The following EHBP1 variants were observed in gnomAD, a reference collection of about 807,000 sequenced individuals.
The protein encoded by EHBP1 is EH domain-binding protein 1.
In EHBP1, 55 loss-of-function variants were observed where a neutral mutation model predicts 144.0. The ratio of observed to expected loss-of-function variants is 0.38; its 90% CI spans 0.31 to 0.48. The LOEUF is 0.48. EHBP1 is among the 20% of genes least tolerant of loss of function. The probability of loss-of-function intolerance (pLI) is 0.98; values close to 1 mark genes in which losing one functional copy is unlikely to be tolerated. For synonymous variants in EHBP1, 469 were observed against 472.7 expected, an observed-to-expected ratio of 0.99 and a Z score of 0.10; for missense variants, 1,200 against 1,364.2, an observed-to-expected ratio of 0.88 and a Z score of 1.90.
rs111444547 is a variant in EHBP1 at position 62,685,775 on chromosome 2, C to T, written c.-296+11692C>T. 2.7e-3 allele frequency among the ~76,000 whole-genome samples: 418 copies of T among 152,106 alleles called. 2 individuals carry two copies. The Middle Eastern group carries it at 0.034, about 12-fold the overall frequency. ...GCTAGAGCTAAATATATGCTTATTA[C>T]AGTGATTGGGGGTTGGGGAGGAGGG... On this transcript the variant is annotated intron_variant, in intron 1 of 22. Transcript: ENST00000405015.
chr2:63,030,927 C>G (rs1407167895), intron 19 of EHBP1, among the ~76,000 whole-genome samples: 4 of 150,860 alleles, frequency 2.7e-5, no homozygotes, highest in Admixed American at 6.6e-5. Flanking sequence ...TCCTGAGTAG[C>G]TGGGATCACA....
In EHBP1 at chr2:62,826,124, G is replaced by C; in HGVS notation, c.350G>C (p.Ser117Thr). The change falls in exon 6 of 23, where the codon AGC becomes ACC. Residue 117 changes from serine (S) to threonine (T), a missense_variant. Physicochemically the swap from Ser to Thr is moderately conservative, Grantham distance 58. Coordinates refer to ENST00000431489, the MANE Select transcript of EHBP1 (RefSeq NM_001142616.3). ...PSGRRKALAT[S>T]SINMKQYASP... Reference sequence around the variant, plus strand: ...GGTCGAAGGAAAGCTCTTGCTACTAGCAGCATCAATATGAAACAGTATGCA... The same window carrying C: ...GGTCGAAGGAAAGCTCTTGCTACTACCAGCATCAATATGAAACAGTATGCA... 2 of 1,537,524 alleles carry C rather than the reference G, an allele frequency of 1.3e-6. No individual in the cohort carries two copies. The highest frequency in any genetic ancestry group is 4.9e-5 in the East Asian group (2 of 40,624).
chr2:62,692,786 G>A (rs1244333235), intron 1 of EHBP1, among the ~76,000 whole-genome samples: 1 of 151,320 alleles, frequency 6.6e-6, no homozygotes, highest in Non-Finnish European at 1.5e-5. Flanking sequence ...TATTTATGGG[G>A]TACCTGAGAT....
chr2:62,975,119 C>T (rs1023268136), intron 14 of EHBP1, among the ~76,000 whole-genome samples: 1 of 152,158 alleles, frequency 6.6e-6, no homozygotes, highest in Admixed American at 6.5e-5. Context: ...GTCTTGGAAC[C>T]TATGCCAGAA....
intron 7 of EHBP1, among the ~76,000 whole-genome samples, chr2:62,850,594 A>G (rs1385713806): frequency 6.6e-6 from 1 of 152,156 alleles, no homozygotes; most frequent in Non-Finnish European, 1.5e-5. Flanking sequence ...CAATTTGTAT[A>G]GTAGTAGGGG....
chr2:62,949,940 A>T (rs904391214), intron 13 of EHBP1, among the ~76,000 whole-genome samples: 5 of 152,226 alleles, frequency 3.3e-5, no homozygotes, highest in African/African-American at 1.2e-4. Context: ...CCTATCACTC[A>T]GAATTTTTAT....
At chr2:62,977,235 A>G (rs1574324327) in intron 14 of EHBP1, among the ~76,000 whole-genome samples, 1 of 151,616 alleles carries the variant, frequency 6.6e-6, no homozygotes, top group East Asian at 1.9e-4. Flanking sequence ...TGTCTTTAGA[A>G]TAAAATTAAA....
At chr2:63,042,967 C>T (rs1406468887) in intron 21 of EHBP1, among the ~76,000 whole-genome samples, 1 of 151,784 alleles carries the variant, frequency 6.6e-6, no homozygotes, top group Non-Finnish European at 1.5e-5. Flanking sequence ...TAAATCAAAG[C>T]TTATAATCAG....
At chr2:62,750,706 G>A (rs187751228) in intron 3 of EHBP1, among the ~76,000 whole-genome samples, 1 of 152,136 alleles carries the variant, frequency 6.6e-6, no homozygotes, top group Non-Finnish European at 1.5e-5. Flanking sequence ...CACATCCCTT[G>A]TAAGTTGGAT....
intron 2 of EHBP1, among the ~76,000 whole-genome samples, chr2:62,722,256 C>T (rs188576366): frequency 5.0e-4 from 76 of 152,034 alleles, no homozygotes; most frequent in African/African-American, 1.7e-3. Context: ...CTCGGCCTCC[C>T]GAGTAGCTGG....
chr2:63,016,605 A>G (rs1189294614), intron 19 of EHBP1, among the ~76,000 whole-genome samples: 4 of 151,782 alleles, frequency 2.6e-5, no homozygotes, highest in Admixed American at 1.3e-4. Context: ...TAATTTTTGT[A>G]TTTTTAGTAG....
intron 1 of EHBP1, among the ~76,000 whole-genome samples, chr2:62,698,628 C>T (rs2034181174): frequency 6.6e-6 from 1 of 152,172 alleles, no homozygotes; most frequent in Non-Finnish European, 1.5e-5. Context: ...AAAGTTGTGA[C>T]AGAATATGAA....
intron 3 of EHBP1, among the ~76,000 whole-genome samples, chr2:62,750,141 A>G (rs1397777290): frequency 1.3e-5 from 2 of 152,164 alleles, no homozygotes; most frequent in Non-Finnish European, 1.5e-5. Context: ...TCTTTAATCC[A>G]TCTTGAATTA....
At chr2:62,792,074 A>G (rs2043198857) in intron 5 of EHBP1, among the ~76,000 whole-genome samples, 1 of 152,052 alleles carries the variant, frequency 6.6e-6, no homozygotes, top group Non-Finnish European at 1.5e-5. Context: ...ACACTTTGTT[A>G]TATATAGGTT....
At chr2:62,840,369 C>G (rs1369157770) in intron 7 of EHBP1, among the ~76,000 whole-genome samples, 1 of 127,686 alleles carries the variant, frequency 7.8e-6, no homozygotes, top group Admixed American at 8.5e-5. Context: ...AACATAAGAC[C>G]TAAAACCATA....
intron 10 of EHBP1, among the ~76,000 whole-genome samples, chr2:62,907,112 T>A (rs2053867704): frequency 6.6e-6 from 1 of 152,222 alleles, no homozygotes; most frequent in Non-Finnish European, 1.5e-5. Context: ...TGTGTACCAA[T>A]TTTTGTGTGA....
chr2:63,007,046 A>G (rs932411704), intron 19 of EHBP1, among the ~76,000 whole-genome samples: 3 of 151,856 alleles, frequency 2.0e-5, no homozygotes, highest in African/African-American at 7.2e-5. Context: ...GTATTGCTAA[A>G]GAAGCTTAAC....
intron 10 of EHBP1, among the ~76,000 whole-genome samples, chr2:62,909,927 T>G (rs1558897662): frequency 6.6e-6 from 1 of 151,998 alleles, no homozygotes; most frequent in Non-Finnish European, 1.5e-5. Context: ...CCAGCAAATT[T>G]TTTTAACTTT....
intron 10 of EHBP1, among the ~76,000 whole-genome samples, chr2:62,875,004 ATGTGTGCACCC>A (rs1426859548): frequency 6.6e-6 from 1 of 151,786 alleles, no homozygotes; most frequent in Non-Finnish European, 1.5e-5. Flanking sequence ...CAGTGCACAC[ATGTGTGCACCC>A]TGCCACCCCG....
Sources: allele counts gnomAD v4.1 joint callset (sites outside exome capture counted in the v4.1 genomes callset), GRCh38; gene constraint gnomAD v4.1.1; transcripts MANE v1.5; gene names NCBI Gene and HGNC (gene_info 2026-07-23, HGNC 2026-07-21).